KCNJ1: variants seen among roughly 807,000 people sequenced by gnomAD.
KCNJ1 encodes the protein potassium inwardly rectifying channel subfamily J member 1.
KCNJ1 carries 24 observed loss-of-function variants against 21.9 expected under a neutral mutation model. The observed-to-expected ratio is 1.10, with a 90% CI of 0.79 to 1.54. The LOEUF (loss-of-function observed/expected upper bound fraction) is 1.54, where lower values mean the gene tolerates loss of function less well. Among genes scored for constraint, KCNJ1 ranks in the 40% most tolerant of loss-of-function variants. KCNJ1 has a pLI of 0.00. For synonymous variants in KCNJ1, 152 were observed against 160.9 expected (o/e 0.94, Z 0.42); for missense variants, 457 against 455.4 (o/e 1.00, Z -0.03).
intron 2 of KCNJ1, 49 bp from the exon 3 acceptor site, chr11:128,840,313 A>G: frequency 1.9e-6 from 3 of 1,571,256 alleles, no homozygotes; most frequent in South Asian, 2.2e-5. Flanking sequence ...TTATAGCAAT[A>G]GTGAACTAGG....
chr11:128,848,416 T>G (rs1275279310), intron 2 of KCNJ1, among the ~76,000 whole-genome samples: 1 of 151,998 alleles, frequency 6.6e-6, no homozygotes. Flanking sequence ...GGTCTTGAAC[T>G]CCTGGCCTCA....
intron 1 of KCNJ1, among the ~76,000 whole-genome samples, chr11:128,864,399 GTCTA>G (rs1445193914): frequency 1.3e-5 from 2 of 151,972 alleles, no homozygotes; most frequent in Non-Finnish European, 2.9e-5. Flanking sequence ...TTTTCTAGGG[GTCTA>G]TCTTTTATAT....
At position 128,840,064 on chromosome 11, in the gene KCNJ1, G is replaced by A. The variant is rs104894244; in HGVS notation, c.180C>T (p.Tyr60=). The A allele has an allele frequency of 1.2e-4, 186 of 1,614,140 alleles. 4 individuals are homozygous for A. The Admixed American group carries it at 3.1e-3, about 27-fold the overall frequency. ...WTTVLDLKWR[Y]KMTIFITAFL... is the part of the protein sequence containing the mutation. ...AGGCTGTGATGAAAATGGTCATTTT[G>A]TATCTCCACTTGAGGTCAAGTACCG... is the stretch of plus-strand genomic sequence containing the variant. Residue 60 remains tyrosine, a synonymous_variant, in exon 3 of 3, where the codon TAC becomes TAT. Coordinates refer to ENST00000392666, the MANE Select transcript of KCNJ1 (RefSeq NM_153766.3).
intron 2 of KCNJ1, among the ~76,000 whole-genome samples, chr11:128,847,493 A>C (rs1159866103): frequency 6.6e-6 from 1 of 152,264 alleles, no homozygotes; most frequent in Non-Finnish European, 1.5e-5. Context: ...TGTATGAAGA[A>C]GTGAAGAATC....
intron 1 of KCNJ1, among the ~76,000 whole-genome samples, chr11:128,852,274 A>G (rs1943490261): frequency 6.6e-6 from 1 of 152,160 alleles, no homozygotes; most frequent in Non-Finnish European, 1.5e-5. Flanking sequence ...AAAGGAGGCA[A>G]TCTTGTCCCT....
At position 128,839,575 on chromosome 11, in the gene KCNJ1, A is replaced by C; in HGVS notation, c.669T>G (p.Ile223Met). ...AGTTGATATTGATCTGGTCCAAAAT[A>C]ATGGTCTCTCCTTCAGGAGTGACTG... ...KTTVTPEGETIILDQININFV... is the reference protein window; with the variant it reads ...KTTVTPEGETMILDQININFV... Residue 223 changes from isoleucine (I) to methionine (M), a missense_variant, in exon 3 of 3, where the codon ATT becomes ATG. Physicochemically the swap from Ile to Met is conservative, Grantham distance 10 (BLOSUM62 1). Transcript: ENST00000392666. 1 of 1,614,088 alleles carries C rather than the reference A, an allele frequency of 6.2e-7. No individual in the cohort carries two copies. The highest frequency in any genetic ancestry group is 1.3e-5 in the African/African-American group (1 of 75,042).
intron 1 of KCNJ1, among the ~76,000 whole-genome samples, chr11:128,851,857 G>A (rs1296316183): frequency 6.6e-6 from 1 of 152,198 alleles, no homozygotes; most frequent in Non-Finnish European, 1.5e-5. Context: ...TATGTTGCAT[G>A]AGGCAAAGAA....
At position 128,839,206 on chromosome 11, in the gene KCNJ1, A is replaced by G. The variant is rs767568916; in HGVS notation, c.1038T>C (p.Val346=). The G allele has an allele frequency of 5.0e-6, 8 of 1,614,106 alleles. No individual in the cohort carries two copies. Among genetic ancestry groups the G allele is most frequent in the Non-Finnish European group, 6.8e-6 (8 of 1,179,974 alleles). The part of the protein sequence containing the change: ...CAMCLYNEKD[V]RARMKRGYDN... The stretch of plus-strand genomic sequence containing the variant: ...CATAGCCTCTCTTCATCCTGGCTCT[A>G]ACATCTTTCTCATTATAAAGGCACA... Residue 346 remains valine, a synonymous_variant, in exon 3 of 3, where the codon GTT becomes GTC. Transcript: ENST00000392666.
rs1388099450 is a variant in KCNJ1, at chr11:128,844,376, GT to G, written c.-21-4113del. On this transcript the variant is annotated intron_variant, in intron 2 of 2. Transcript: ENST00000392666. ...CTGCACTTGGTGTACCATTTGACAG[GT>G]TTTTTTCATAGAACGAAAGGAGAAA... Among the ~76,000 whole-genome samples, 3 of 152,280 alleles carry G rather than the reference GT, an allele frequency of 2.0e-5. No individual in the cohort carries two copies. The East Asian group carries it at 5.8e-4, about 29-fold the overall frequency.
rs537981351 is a variant in KCNJ1 at position 128,858,744 on chromosome 11, C to A, written c.-191-7854G>T. 8.5e-4 allele frequency among the ~76,000 whole-genome samples: 130 copies of A among 152,296 alleles called. 1 individual carries two copies. The highest frequency in any genetic ancestry group is 3.1e-3 in the African/African-American group (127 of 41,552). ...TAGACAGCATTACTATTCCCAGTGT[C>A]TAAAGGAGGAGATCAAACACCAGAG... is the stretch of plus-strand genomic sequence containing the variant. On this transcript the variant is annotated intron_variant, in intron 1 of 2. Transcript: ENST00000392666.
chr11:128,856,745 G>T (rs976043302), intron 1 of KCNJ1, among the ~76,000 whole-genome samples: 2 of 151,886 alleles, frequency 1.3e-5, no homozygotes, highest in Admixed American at 1.3e-4. Flanking sequence ...CACCTCACAC[G>T]CAATCCATCA....
intron 2 of KCNJ1, among the ~76,000 whole-genome samples, chr11:128,842,756 A>G (rs1400412379): frequency 6.6e-6 from 1 of 152,174 alleles, no homozygotes; most frequent in Non-Finnish European, 1.5e-5. Flanking sequence ...GCCACGCTCT[A>G]TCGCTCACTT....
Position 128,838,757 on chromosome 11 carries a change from A to G in KCNJ1, c.*368T>C. 4.3e-6 allele frequency: 1 copy of G among 233,064 alleles called. No individual in the cohort carries two copies. The highest frequency in any genetic ancestry group is 8.5e-6 in the Non-Finnish European group (1 of 117,882). The allele number at this position is 233,064 out of a possible 1,614,324, so 14.4% of individuals were successfully genotyped here. ...TTATTATTGTCCCCTGATCCTTTCTAAAGTTCATAACTTCTTTAAGGAAAC... is the reference window on the plus strand; with the variant it reads ...TTATTATTGTCCCCTGATCCTTTCTGAAGTTCATAACTTCTTTAAGGAAAC... On this transcript the variant is annotated 3_prime_UTR_variant, in exon 3 of 3. Transcript: ENST00000392666.
chr11:128,860,082 G>T (rs914923033), intron 1 of KCNJ1, among the ~76,000 whole-genome samples: 1 of 152,228 alleles, frequency 6.6e-6, no homozygotes, highest in African/African-American at 2.4e-5. Flanking sequence ...GATTTCAGAA[G>T]GGCGCCCGGA....
rs112368057 is a variant in KCNJ1 at position 128,847,494 on chromosome 11, G to C, written c.-22+3227C>G. Among the ~76,000 whole-genome samples the C allele has an allele frequency of 3.7e-3, 571 of 152,346 alleles. 3 individuals carry two copies. Among genetic ancestry groups the C allele is most frequent in the African/African-American group, 0.013 (523 of 41,580 alleles). ...CATATGTTTGTTTCTGTATGAAGAA[G>C]TGAAGAATCAAGGATATAGCCAAGT... is the stretch of plus-strand genomic sequence containing the variant. On this transcript the variant is annotated intron_variant, in intron 2 of 2. Coordinates refer to ENST00000392666, the MANE Select transcript of KCNJ1 (RefSeq NM_153766.3).
At chr11:128,850,665 G>A in intron 2 of KCNJ1, 56 bp downstream of exon 2, 1 of 853,758 alleles carries the variant, frequency 1.2e-6, no homozygotes, top group Non-Finnish European at 1.4e-6. Flanking sequence ...TGCTTACCTA[G>A]CTTTCTTGTA....
chr11:128,849,736 C>T (rs771167652), intron 2 of KCNJ1, among the ~76,000 whole-genome samples: 4 of 152,190 alleles, frequency 2.6e-5, no homozygotes, highest in Non-Finnish European at 5.9e-5. Context: ...TGTGGATTGT[C>T]CTGGCATAAG....
At chr11:128,842,275 C>T in intron 2 of KCNJ1, 2 of 1,189,772 alleles carry the variant, frequency 1.7e-6, no homozygotes, top group African/African-American at 1.5e-5. Context: ...TGAAGAAGTA[C>T]CCCCTGATTG....
chr11:128,862,043 G>T (rs866816430), intron 1 of KCNJ1, among the ~76,000 whole-genome samples: 7 of 152,152 alleles, frequency 4.6e-5, no homozygotes, highest in South Asian at 2.1e-4. Flanking sequence ...CCTGCTGTGC[G>T]CTGGGTGCCT....
Sources: gnomAD v4.1 joint callset for allele counts (sites outside exome capture counted in the v4.1 genomes callset) on GRCh38, gnomAD v4.1.1 for gene constraint, MANE v1.5 for transcripts, NCBI Gene and HGNC (gene_info 2026-07-23, HGNC 2026-07-21) for gene names.